The following RGS17 variants were observed in gnomAD, a reference collection of about 807,000 sequenced individuals.
RGS17 encodes the protein regulator of G protein signaling 17, also known as regulator of G-protein signaling 17.
In RGS17, 12 loss-of-function variants were observed where a neutral mutation model predicts 25.5. That is an observed-to-expected ratio of 0.47 (90% CI 0.30 to 0.76). The LOEUF (loss-of-function observed/expected upper bound fraction) is 0.76, where lower values mean the gene tolerates loss of function less well. Ranked by LOEUF, RGS17 falls within the 30% of genes least tolerant of loss-of-function variation. The pLI is 0.07. For synonymous variants in RGS17, 71 were observed against 76.9 expected (o/e 0.92, Z 0.40); for missense variants, 196 against 242.2 (o/e 0.81, Z 1.27).
At chr6:153,045,249 A>G (rs1776372796) in intron 1 of RGS17, among the ~76,000 whole-genome samples, 1 of 152,232 alleles carries the variant, frequency 6.6e-6, no homozygotes, top group East Asian at 1.9e-4. Context: ...TTGAAACAGA[A>G]GCGGGCAAAG....
chr6:153,123,609 A>T (rs1777667928), intron 1 of RGS17, among the ~76,000 whole-genome samples: 1 of 152,178 alleles, frequency 6.6e-6, no homozygotes, highest in Non-Finnish European at 1.5e-5. Context: ...TCTCAAACTT[A>T]AATGTATTTA....
At chr6:153,116,679 G>A (rs1777551446) in intron 1 of RGS17, among the ~76,000 whole-genome samples, 1 of 152,134 alleles carries the variant, frequency 6.6e-6, no homozygotes, top group African/African-American at 2.4e-5. Flanking sequence ...CAACCCAAAG[G>A]CCCATGAATG....
Position 153,011,497 on chromosome 6 carries a change from G to A in RGS17, c.*77C>T, listed in dbSNP as rs1345798842. 1 of 983,528 alleles carries A rather than the reference G, an allele frequency of 1.0e-6. No individual in the cohort carries two copies. The highest frequency in any genetic ancestry group is 1.6e-5 in the African/African-American group (1 of 60,732). The allele number at this position is 983,528 out of a possible 1,614,324, so 60.9% of individuals were successfully genotyped here. A position where few individuals can be genotyped will look rare whatever the true frequency, so the allele number is the denominator to read the frequency against. ...GGAATGCTAAACTGTAGTTCTCCAG[G>A]AACTCAGTTTCTGATGTTATTTAAC... On this transcript the variant is annotated 3_prime_UTR_variant, in exon 5 of 5. Transcript: ENST00000206262.
intron 1 of RGS17, among the ~76,000 whole-genome samples, chr6:153,120,544 T>G (rs1777612939): frequency 1.3e-5 from 2 of 152,176 alleles, no homozygotes; most frequent in African/African-American, 4.8e-5. Context: ...CAGCTGAAAT[T>G]GTGGTGTTCC....
intron 1 of RGS17, among the ~76,000 whole-genome samples, chr6:153,047,228 G>T (rs1285876962): frequency 6.6e-6 from 1 of 152,162 alleles, no homozygotes; most frequent in East Asian, 1.9e-4. Context: ...CAAAATTAGA[G>T]GGAAGGGGTA....
chr6:153,053,943 A>AT lies in RGS17; in HGVS notation c.-25-9901_-25-9900insA, dbSNP rs1491347873. On this transcript the variant is annotated intron_variant, in intron 1 of 4. Coordinates refer to ENST00000206262, the MANE Select transcript of RGS17 (RefSeq NM_012419.5). ...TATATATGTATATATATGTATATAT[A>AT]ATATATATACATATATATTATATAC... is the stretch of plus-strand genomic sequence containing the variant. 4.4e-5 allele frequency among the ~76,000 whole-genome samples: 2 copies of AT among 45,862 alleles called. 1 individual carries two copies. The highest frequency in any genetic ancestry group is 1.6e-3 in the East Asian group (2 of 1,246). 30.1% of individuals were successfully genotyped at this position (45,862 alleles called of 152,430 possible). A position where few individuals can be genotyped will look rare whatever the true frequency, so the allele number is the denominator to read the frequency against.
intron 2 of RGS17, among the ~76,000 whole-genome samples, chr6:153,032,097 AC>A (rs1554236337): frequency 6.6e-6 from 1 of 151,788 alleles, no homozygotes; most frequent in African/African-American, 2.4e-5. Context: ...AAGACTACCC[AC>A]CCCCCAAAAA....
chr6:153,075,942 G>C (rs879672260), intron 1 of RGS17, among the ~76,000 whole-genome samples: 14 of 152,166 alleles, frequency 9.2e-5, no homozygotes, highest in Middle Eastern at 3.2e-3. Flanking sequence ...CTTATTTACA[G>C]TAGGCGGGTG....
Position 153,041,822 on chromosome 6 carries a change from A to G in RGS17, c.119+2078T>C, listed in dbSNP as rs551201292. 5.0e-4 allele frequency among the ~76,000 whole-genome samples: 76 copies of G among 152,380 alleles called. 1 individual carries two copies. The highest frequency in any genetic ancestry group is 1.8e-3 in the African/African-American group (73 of 41,594). ...CCACAAACTGATCTTTTTTTAAAAC[A>G]GTATTTCAAGCCAGTTCCTCTTTAA... On this transcript the variant is annotated intron_variant, in intron 2 of 4. Coordinates refer to ENST00000206262, the MANE Select transcript of RGS17 (RefSeq NM_012419.5).
intron 2 of RGS17, among the ~76,000 whole-genome samples, chr6:153,030,627 C>A (rs966877015): frequency 1.3e-5 from 2 of 152,110 alleles, no homozygotes; most frequent in African/African-American, 4.8e-5. Flanking sequence ...GTTCCTGGTG[C>A]AAAAATGAAA....
intron 4 of RGS17, among the ~76,000 whole-genome samples, chr6:153,020,111 A>AAAT (rs1426592195): frequency 1.6e-3 from 92 of 58,452 alleles, no homozygotes; most frequent in East Asian, 6.2e-3. Flanking sequence ...AAAAAAAAAA[A>AAAT]ATATATATAT....
rs71773340 is a variant in RGS17 at position 153,049,751 on chromosome 6, A to AAAATAAATAAAT, written c.-25-5720_-25-5709dup. Among the ~76,000 whole-genome samples the AAAATAAATAAAT allele has an allele frequency of 5.5e-3, 828 of 150,460 alleles. 5 individuals carry two copies. The highest frequency in any genetic ancestry group is 6.8e-3 in the Non-Finnish European group (460 of 67,642). Reference sequence around the variant, plus strand: ...GGGCAACAGAGTGAGACTCCTTCTCAAAATAAATAAATAAATAAATAAATA... The same window carrying AAAATAAATAAAT: ...GGGCAACAGAGTGAGACTCCTTCTCAAAATAAATAAATAAATAAATAAATAAATAAATAAATA... On this transcript the variant is annotated intron_variant, in intron 1 of 4. Transcript: ENST00000206262.
intron 1 of RGS17, among the ~76,000 whole-genome samples, chr6:153,107,765 C>T (rs1313097278): frequency 6.6e-6 from 1 of 152,184 alleles, no homozygotes; most frequent in Non-Finnish European, 1.5e-5. Flanking sequence ...TCTATCATTT[C>T]AAAACAAATA....
chr6:153,042,571 T>G (rs1047061489), intron 2 of RGS17, among the ~76,000 whole-genome samples: 21 of 152,328 alleles, frequency 1.4e-4, no homozygotes, highest in African/African-American at 5.1e-4. Flanking sequence ...CTCTTTTTCT[T>G]TATAAATTAC....
intron 4 of RGS17, among the ~76,000 whole-genome samples, chr6:153,014,672 C>A (rs1315808764): frequency 6.6e-6 from 1 of 151,928 alleles, no homozygotes; most frequent in Non-Finnish European, 1.5e-5. Context: ...GTGGTGGGTG[C>A]CTGTAGTCCC....
chr6:153,040,995 T>TAAA (rs71017569), intron 2 of RGS17, among the ~76,000 whole-genome samples: 10 of 122,126 alleles, frequency 8.2e-5, no homozygotes, highest in Admixed American at 5.2e-4. Context: ...CTGACTCCAC[T>TAAA]AAAAAAAAAA....
intron 1 of RGS17, among the ~76,000 whole-genome samples, chr6:153,070,942 T>C (rs1187248043): frequency 6.6e-6 from 1 of 150,418 alleles, no homozygotes; most frequent in Admixed American, 6.7e-5. Context: ...CATGCACATG[T>C]GTATATCTAC....
rs143984540 is a variant in RGS17, at chr6:153,103,821, GCTA to G, written c.-26+27300_-26+27302del. Among the ~76,000 whole-genome samples, 1,459 of 152,268 alleles carry G rather than the reference GCTA, an allele frequency of 9.6e-3. 24 individuals are homozygous for G. Among genetic ancestry groups the G allele is most frequent in the African/African-American group, 0.033 (1,391 of 41,546 alleles). On this transcript the variant is annotated intron_variant, in intron 1 of 4. Coordinates refer to ENST00000206262, the MANE Select transcript of RGS17 (RefSeq NM_012419.5). ...ACCACATTATCATTAGTCAGTAGAA[GCTA>G]CTTTTTCCCAATAGAGGAAGAGAGG...
rs1779116417 is a variant in RGS17, at chr6:153,010,245, T to A, written c.*1329A>T. On this transcript the variant is annotated 3_prime_UTR_variant, in exon 5 of 5. Transcript: ENST00000206262. ...TTGATATAAATATGACACTGATTAT[T>A]TTAATTATCACTTTTATGCATGACA... 1 of 152,010 alleles carries A rather than the reference T, an allele frequency of 6.6e-6. No individual in the cohort carries two copies. Among genetic ancestry groups the A allele is most frequent in the African/African-American group, 2.4e-5 (1 of 41,440 alleles). 9.4% of individuals were successfully genotyped at this position (152,010 alleles called of 1,614,324 possible).
Sources: allele counts gnomAD v4.1 joint callset (sites outside exome capture counted in the v4.1 genomes callset), GRCh38; gene constraint gnomAD v4.1.1; transcripts MANE v1.5; gene names NCBI Gene and HGNC (gene_info 2026-07-23, HGNC 2026-07-21).